The following ALG8 variants were observed in gnomAD, a reference collection of about 807,000 sequenced individuals.
The protein encoded by ALG8 is ALG8 alpha-1,3-glucosyltransferase, also known as dolichyl pyrophosphate Glc1Man9GlcNAc2 alpha-1,3-glucosyltransferase.
ALG8 carries 48 observed loss-of-function variants against 70.2 expected under a neutral mutation model. That is an observed-to-expected ratio of 0.68 (90% CI 0.54 to 0.87). ALG8 has a LOEUF of 0.87. Among genes scored for constraint, ALG8 ranks in the 40% least tolerant of loss-of-function variants. The pLI is 0.00. For missense variants in ALG8, 572 were observed against 608.7 expected, an observed-to-expected ratio of 0.94 and a Z score of 0.64; for synonymous variants, 234 against 229.0, an observed-to-expected ratio of 1.02 and a Z score of -0.20.
Position 78,104,448 on chromosome 11 carries a change from A to G in ALG8, c.1184T>C (p.Leu395Ser). The change falls in exon 11 of 13, where the codon TTG (leucine) becomes TCG (serine). Residue 395 changes from leucine (L) to serine (S), a missense_variant. Physicochemically the swap from Leu to Ser is moderately radical, Grantham distance 145 (BLOSUM62 -2). Coordinates refer to ENST00000299626, the MANE Select transcript of ALG8 (RefSeq NM_024079.5). ...AGCGTCTCCTGCTTTTCCCACAGAC[A>G]AAAGGCTAAAAATAAAAATAATTTC... is the stretch of plus-strand genomic sequence containing the variant. ...ILLAILPMSL[L>S]SVGKAGDASI... is the part of the protein sequence containing the mutation. 3 of 1,576,582 alleles carry G rather than the reference A, an allele frequency of 1.9e-6. No homozygotes were observed. Among genetic ancestry groups the G allele is most frequent in the Non-Finnish European group, 2.6e-6 (3 of 1,160,088 alleles).
intron 5 of ALG8, among the ~76,000 whole-genome samples, chr11:78,117,348 T>G (rs920450775): frequency 1.3e-5 from 2 of 152,178 alleles, no homozygotes; most frequent in African/African-American, 4.8e-5. Flanking sequence ...ATTTCTGATT[T>G]CCTCCTCTAT....
chr11:78,127,358 C>G lies in ALG8; in HGVS notation c.174G>C (p.Glu58Asp). The G allele has an allele frequency of 6.2e-7, 1 of 1,609,022 alleles. No individual in the cohort carries two copies. Among genetic ancestry groups the G allele is most frequent in the Non-Finnish European group, 8.5e-7 (1 of 1,176,666 alleles). ...HSLPISQWYY[E>D]ATSEWTLDYP... ...AAAAAAGGTGAAAATTAAAACTTAC[C>G]TCATAATACCACTGTGATATTGGCA... Residue 58 changes from glutamate (E) to aspartate (D), a missense_variant and splice_region_variant, in exon 2 of 13, where the codon GAG becomes GAC. Transcript: ENST00000299626.
chr11:78,104,310 A>G (rs992684284), intron 11 of ALG8, 46 bp downstream of exon 11: 10 of 1,489,722 alleles, frequency 6.7e-6, no homozygotes, highest in Non-Finnish European at 9.0e-6. Flanking sequence ...CCTCGATGAA[A>G]AGGTTGTGAT....
In ALG8 at chr11:78,112,709, T is replaced by A; in HGVS notation, c.839A>T (p.Tyr280Phe). 1 of 1,614,058 alleles carries A rather than the reference T, an allele frequency of 6.2e-7. No homozygotes were observed. The highest frequency in any genetic ancestry group is 8.5e-7 in the Non-Finnish European group (1 of 1,179,980). ...FPFKRGLCHA[Y>F]WAPNFWALYN... ...CAAAGCCCAGAAGTTTGGAGCCCAA[T>A]ATGCATGACAGAGGCCCCTCTTGAA... Residue 280 changes from tyrosine (Y) to phenylalanine (F), a missense_variant, in exon 8 of 13, where the codon TAT becomes TTT. By Grantham distance (22) the Tyr-to-Phe change is conservative. Transcript: ENST00000299626.
In ALG8 at chr11:78,104,334, T is replaced by C. The variant is rs534909036; in HGVS notation, c.1276+22A>G. 122 of 1,547,924 alleles carry C rather than the reference T, an allele frequency of 7.9e-5. 1 individual carries two copies. The South Asian group carries it at 1.4e-3, about 18-fold the overall frequency. On this transcript the variant is annotated intron_variant, in intron 11 of 12. Transcript: ENST00000299626. ...AAAGGTTGTGATAGTCAAATATATTTTTCTCAGAAGACGCTGTTTACCTGG... is the reference window on the plus strand; with the variant it reads ...AAAGGTTGTGATAGTCAAATATATTCTTCTCAGAAGACGCTGTTTACCTGG...
chr11:78,120,633 C>A (rs1203517877), intron 4 of ALG8, among the ~76,000 whole-genome samples: 1 of 152,114 alleles, frequency 6.6e-6, no homozygotes, highest in Non-Finnish European at 1.5e-5. Context: ...ATCCAGAAGC[C>A]TTGAATTTAA....
At chr11:78,101,869 C>T (rs72946513) in intron 12 of ALG8, among the ~76,000 whole-genome samples, 1,665 of 152,116 alleles carry the variant, frequency 0.011, 10 homozygotes, top group Non-Finnish European at 0.016. Flanking sequence ...TGAGATGGAG[C>T]GTTGCTCTGT....
At position 78,109,571 on chromosome 11, in the gene ALG8, C is replaced by T. The variant is rs1178329677; in HGVS notation, c.909G>A (p.Leu303=). The change falls in exon 9 of 13, where the codon TTG becomes TTA. Residue 303 remains leucine, a synonymous_variant. Coordinates refer to ENST00000299626, the MANE Select transcript of ALG8 (RefSeq NM_024079.5). The part of the protein sequence containing the change: ...DKVLSVIGLK[L]KFLDPNNIPK... ...GAATATTGTTGGGATCAAGAAATTT[C>T]AATTTCAAACCTATTAAACAGATAT... 1.2e-6 allele frequency: 2 copies of T among 1,613,822 alleles called. No individual in the cohort carries two copies. The highest frequency in any genetic ancestry group is 2.7e-5 in the African/African-American group (2 of 74,898).
chr11:78,139,375 T>C, intron 1 of ALG8, 119 bp downstream of exon 1: 3 of 1,014,228 alleles, frequency 3.0e-6, no homozygotes, highest in African/African-American at 1.6e-5. Flanking sequence ...AAAGGCAGGA[T>C]AGCGACAAAC....
At chr11:78,131,976 C>T (rs916775161) in intron 1 of ALG8, among the ~76,000 whole-genome samples, 12 of 152,356 alleles carry the variant, frequency 7.9e-5, no homozygotes, top group African/African-American at 2.9e-4. Context: ...TCAACATAGT[C>T]TAAAAGATAT....
intron 8 of ALG8, among the ~76,000 whole-genome samples, chr11:78,110,589 G>A (rs1377357157): frequency 6.6e-6 from 1 of 152,166 alleles, no homozygotes; most frequent in Non-Finnish European, 1.5e-5. Flanking sequence ...CAGGAATGAT[G>A]ATGAGTTCAT....
Position 78,109,460 on chromosome 11 carries a change from G to A in ALG8, c.1020C>T (p.Cys340=), listed in dbSNP as rs1465914844. 3.1e-6 allele frequency: 5 copies of A among 1,614,054 alleles called. No individual in the cohort carries two copies. In the Admixed American group the frequency reaches 8.3e-5, roughly 27 times the overall value. ...PSVTPLATLI[C]TLIAILPSIF... is the part of the protein sequence containing the mutation. ...TTCTTACCAATATGGCAATCAGTGT[G>A]CAGATGAGGGTTGCCAAGGGAGTCA... is the stretch of plus-strand genomic sequence containing the variant. The change falls in exon 9 of 13, where the codon TGC becomes TGT. Residue 340 remains cysteine (C), a synonymous_variant. Transcript: ENST00000299626.
intron 3 of ALG8, among the ~76,000 whole-genome samples, chr11:78,123,613 C>T (rs1283031185): frequency 6.6e-6 from 1 of 152,142 alleles, no homozygotes; most frequent in Non-Finnish European, 1.5e-5. Context: ...GTGGTTAGCA[C>T]AATCCATACG....
chr11:78,119,230 A>G lies in ALG8; in HGVS notation c.498T>C (p.Asn166=). ...LIVDHIHFQY[N]GFLFGLMLLS... is the part of the protein sequence containing the mutation. ...GTAGCATTAATCCAAATAAAAAGCC[A>G]TTGTACTGAAAATGAATATCTGGAC... Residue 166 remains asparagine (N), a synonymous_variant, in exon 5 of 13, where the codon AAT becomes AAC. Transcript: ENST00000299626. 1 of 1,611,844 alleles carries G rather than the reference A, an allele frequency of 6.2e-7. No homozygotes were observed. The highest frequency in any genetic ancestry group is 8.5e-7 in the Non-Finnish European group (1 of 1,178,100).
intron 1 of ALG8, among the ~76,000 whole-genome samples, chr11:78,131,332 A>G (rs474959): frequency 0.22 from 33,139 of 152,104 alleles, 4,461 homozygotes; most frequent in African/African-American, 0.38. Flanking sequence ...GCCGAGCACA[A>G]TGGTTCATGC....
Position 78,114,312 on chromosome 11 carries a change from A to G in ALG8, c.627T>C (p.Tyr209=), listed in dbSNP as rs183585747. 4 of 1,614,162 alleles carry G rather than the reference A, an allele frequency of 2.5e-6. No individual in the cohort carries two copies. Among genetic ancestry groups the G allele is most frequent in the East Asian group, 4.5e-5 (2 of 44,874 alleles). ...KHIYLYVAPA[Y]GVYLLRSYCF... is the part of the protein sequence containing the mutation. ...AGTAGGATCGCAGCAGATATACACC[A>G]TAAGCTGGTGCTACATAGAGGTAGA... The change falls in exon 6 of 13, where the codon TAT becomes TAC. Residue 209 remains tyrosine (Y), a synonymous_variant. Coordinates refer to ENST00000299626, the MANE Select transcript of ALG8 (RefSeq NM_024079.5).
chr11:78,126,083 T>C (rs1169669669), intron 2 of ALG8, among the ~76,000 whole-genome samples: 2 of 146,608 alleles, frequency 1.4e-5, no homozygotes, highest in South Asian at 2.2e-4. Flanking sequence ...GGCGTGAACC[T>C]GGGAGGCGGA....
intron 1 of ALG8, among the ~76,000 whole-genome samples, chr11:78,134,081 G>A (rs1861434889): frequency 6.6e-6 from 1 of 151,996 alleles, no homozygotes; most frequent in African/African-American, 2.4e-5. Flanking sequence ...CAATGTTGAT[G>A]GCTGTTGATT....
intron 1 of ALG8, among the ~76,000 whole-genome samples, chr11:78,138,511 T>C (rs936943301): frequency 6.6e-6 from 1 of 152,140 alleles, no homozygotes; most frequent in African/African-American, 2.4e-5. Flanking sequence ...TACGCATCAG[T>C]ATGGACTTAC....
Sources: gnomAD v4.1 joint callset for allele counts (sites outside exome capture counted in the v4.1 genomes callset) on GRCh38, gnomAD v4.1.1 for gene constraint, MANE v1.5 for transcripts, NCBI Gene and HGNC (gene_info 2026-07-23, HGNC 2026-07-21) for gene names.